SLC6A5: variants seen among roughly 807,000 people sequenced by gnomAD.
SLC6A5 encodes the protein solute carrier family 6 member 5, also known as sodium- and chloride-dependent glycine transporter 2.
A neutral mutation model predicts 90.5 loss-of-function variants in SLC6A5; 58 were observed. The observed-to-expected ratio is 0.64, with a 90% CI of 0.52 to 0.80. The LOEUF is 0.80. Ranked by LOEUF, SLC6A5 falls within the 30% of genes least tolerant of loss-of-function variation. The pLI, the probability that SLC6A5 is intolerant of heterozygous loss-of-function variation, is 0.00. For missense variants in SLC6A5, 1,015 were observed against 1,017.6 expected, an observed-to-expected ratio of 1.00 and a Z score of 0.03; for synonymous variants, 427 against 401.4, an observed-to-expected ratio of 1.06 and a Z score of -0.76.
At chr11:20,633,935 C>G (rs1359984856) in intron 10 of SLC6A5, among the ~76,000 whole-genome samples, 7 of 152,026 alleles carry the variant, frequency 4.6e-5, no homozygotes, top group African/African-American at 1.4e-4. Context: ...GCAGTGGTGC[C>G]ATCTTGGCTC....
chr11:20,599,786 A>G (rs972768909), intron 1 of SLC6A5, 111 bp downstream of exon 1: 1 of 1,252,410 alleles, frequency 8.0e-7, no homozygotes, highest in Non-Finnish European at 1.2e-6. Context: ...GTGGGGGGAA[A>G]GGGGGCGACG....
At chr11:20,638,414 G>A in intron 12 of SLC6A5, 45 bp from the exon 13 acceptor site, 1 of 1,202,916 alleles carries the variant, frequency 8.3e-7, no homozygotes, top group Non-Finnish European at 1.2e-6. Context: ...GAGACAGCCT[G>A]GCTTCAGGAC....
intron 14 of SLC6A5, among the ~76,000 whole-genome samples, chr11:20,649,904 C>T (rs1049423241): frequency 1.3e-5 from 2 of 152,206 alleles, no homozygotes; most frequent in African/African-American, 4.8e-5. Flanking sequence ...GAGTAGACAT[C>T]TCTTTCCATA....
chr11:20,622,049 A>C (rs1565278726), intron 7 of SLC6A5, among the ~76,000 whole-genome samples: 3 of 152,186 alleles, frequency 2.0e-5, no homozygotes, highest in Non-Finnish European at 4.4e-5. Flanking sequence ...GGATGCCTGG[A>C]GGTGTCAGGC....
intron 13 of SLC6A5, among the ~76,000 whole-genome samples, chr11:20,639,365 AT>A (rs1825206354): frequency 6.6e-6 from 1 of 152,194 alleles, no homozygotes. Context: ...CATAGCAAAT[AT>A]CAGGAAGGCG....
intron 14 of SLC6A5, among the ~76,000 whole-genome samples, chr11:20,651,953 C>T (rs1319830909): frequency 6.6e-6 from 1 of 151,676 alleles, no homozygotes; most frequent in East Asian, 1.9e-4. Flanking sequence ...TCCTTAAAAA[C>T]ACCCACTATC....
At chr11:20,644,381 C>A (rs1025094517) in intron 13 of SLC6A5, among the ~76,000 whole-genome samples, 22 of 152,180 alleles carry the variant, frequency 1.4e-4, no homozygotes, top group African/African-American at 4.6e-4. Flanking sequence ...ATAATGTCCT[C>A]CAGGTTCATG....
intron 5 of SLC6A5, among the ~76,000 whole-genome samples, chr11:20,612,974 T>G (rs991388911): frequency 4.6e-5 from 7 of 152,256 alleles, no homozygotes; most frequent in Non-Finnish European, 1.5e-5. Flanking sequence ...TGCTCTCTGG[T>G]TGGCCACAGT....
At chr11:20,643,661 C>A (rs911289095) in intron 13 of SLC6A5, among the ~76,000 whole-genome samples, 1 of 152,196 alleles carries the variant, frequency 6.6e-6, no homozygotes, top group African/African-American at 2.4e-5. Flanking sequence ...TTCCACTGTA[C>A]CATGTTTGTG....
chr11:20,608,571 A>T (rs996443209), intron 5 of SLC6A5, among the ~76,000 whole-genome samples: 2 of 152,364 alleles, frequency 1.3e-5, no homozygotes, highest in African/African-American at 4.8e-5. Flanking sequence ...TTGCAGAAGC[A>T]TATAACTCTA....
chr11:20,615,313 C>T (rs765297985), intron 6 of SLC6A5, among the ~76,000 whole-genome samples: 21 of 152,136 alleles, frequency 1.4e-4, no homozygotes, highest in Non-Finnish European at 2.8e-4. Flanking sequence ...TGAAGATCCT[C>T]AGCTACCATT....
At chr11:20,638,681 C>A in intron 13 of SLC6A5, 123 bp downstream of exon 13, 3 of 729,850 alleles carry the variant, frequency 4.1e-6, no homozygotes, top group Admixed American at 1.8e-5. Context: ...ATTTAGGAAA[C>A]CTAAGAGAGC....
intron 10 of SLC6A5, 43 bp downstream of exon 10, chr11:20,630,858 G>A: frequency 6.2e-7 from 1 of 1,610,864 alleles, no homozygotes; most frequent in Non-Finnish European, 8.5e-7. Flanking sequence ...GCAGGTCCCA[G>A]GCTCATGTCA....
intron 1 of SLC6A5, among the ~76,000 whole-genome samples, chr11:20,600,301 A>G (rs1852433104): frequency 6.7e-6 from 1 of 148,658 alleles, no homozygotes; most frequent in African/African-American, 2.5e-5. Flanking sequence ...AGGATATTAG[A>G]CTCCTGTGAA....
chr11:20,627,680 C>T (rs1385718631), intron 8 of SLC6A5, among the ~76,000 whole-genome samples: 2 of 152,134 alleles, frequency 1.3e-5, no homozygotes, highest in Non-Finnish European at 2.9e-5. Flanking sequence ...AGTGTATTGA[C>T]CTAAAGGAAG....
intron 6 of SLC6A5, among the ~76,000 whole-genome samples, chr11:20,615,212 A>G (rs61212208): frequency 1.3e-5 from 2 of 151,630 alleles, no homozygotes; most frequent in Non-Finnish European, 2.9e-5. Context: ...GAACAAATTC[A>G]TTTTTTTTCC....
At chr11:20,627,829 T>TA (rs1853028056) in intron 8 of SLC6A5, 151 bp from the exon 9 acceptor site, 4 of 687,136 alleles carry the variant, frequency 5.8e-6, no homozygotes, top group Non-Finnish European at 1.1e-5. Flanking sequence ...CCAGCACAAG[T>TA]GATTTATGTT....
At chr11:20,650,377 G>A (rs1171307889) in intron 14 of SLC6A5, among the ~76,000 whole-genome samples, 3 of 152,152 alleles carry the variant, frequency 2.0e-5, no homozygotes, top group Non-Finnish European at 4.4e-5. Context: ...AGTCTTCAGA[G>A]GGGTCTCATG....
Position 20,601,197 on chromosome 11 carries a change from C to T in SLC6A5, c.72C>T (p.Gly24=), listed in dbSNP as rs1852465055. ...ANSPEAAAAQ[G]HPDGPCAPRT... is the part of the protein sequence containing the mutation. ...GCCCGGAGGCGGCGGCGGCGCAGGG[C>T]CACCCGGATGGCCCATGCGCTCCCA... The change falls in exon 2 of 16, where the codon GGC becomes GGT. Residue 24 remains glycine (G), a synonymous_variant. Transcript: ENST00000525748. 3.8e-6 allele frequency: 6 copies of T among 1,586,136 alleles called. No homozygotes were observed. The East Asian group carries it at 1.1e-4, about 30-fold the overall frequency.
Sources: gnomAD v4.1 joint callset for allele counts (sites outside exome capture counted in the v4.1 genomes callset) on GRCh38, gnomAD v4.1.1 for gene constraint, MANE v1.5 for transcripts, NCBI Gene and HGNC (gene_info 2026-07-23, HGNC 2026-07-21) for gene names.